Variants in INCENP observed in about 807,000 individuals in gnomAD.
INCENP encodes binds and activates aurora-B and -C in vivo and in vitro.
Under a neutral mutation model 107.3 loss-of-function variants are expected in INCENP, and 43 were observed. That is an observed-to-expected ratio of 0.40 (90% CI 0.31 to 0.52). The LOEUF (loss-of-function observed/expected upper bound fraction) is 0.52, where lower values mean the gene tolerates loss of function less well. INCENP is among the 20% of genes least tolerant of loss of function. The probability of loss-of-function intolerance (pLI) is 0.53; values close to 1 mark genes in which losing one functional copy is unlikely to be tolerated. For missense variants in INCENP, 1,089 were observed against 1,250.9 expected, an observed-to-expected ratio of 0.87 and a Z score of 1.95; for synonymous variants, 488 against 494.4, an observed-to-expected ratio of 0.99 and a Z score of 0.17.
chr11:62,138,794 G>A (rs752437830), intron 6 of INCENP, 24 bp downstream of exon 6: 2 of 1,613,568 alleles, frequency 1.2e-6, no homozygotes, highest in East Asian at 4.5e-5. Context: ...CTGGGGAAGG[G>A]AGGACTCACC....
chr11:62,127,256 ACTC>A (rs1590601773), intron 1 of INCENP, among the ~76,000 whole-genome samples: 1 of 150,730 alleles, frequency 6.6e-6, no homozygotes, highest in East Asian at 2.0e-4. Context: ...CTGGTTTTGA[ACTC>A]CTGACCTCAT....
chr11:62,129,026 G>C (rs1167840670), intron 3 of INCENP, 143 bp downstream of exon 3: 2 of 635,698 alleles, frequency 3.1e-6, no homozygotes, highest in Non-Finnish European at 5.6e-6. Flanking sequence ...TACTGCGTGG[G>C]CCATGCTGAG....
Position 62,152,559 on chromosome 11 carries a change from T to G in INCENP, c.*583T>G, listed in dbSNP as rs563856718. 1 of 153,032 alleles carries G rather than the reference T, an allele frequency of 6.5e-6. No individual in the cohort carries two copies. The highest frequency in any genetic ancestry group is 1.9e-4 in the East Asian group (1 of 5,176). The allele number at this position is 153,032 out of a possible 1,614,324, so 9.5% of individuals were successfully genotyped here. A position where few individuals can be genotyped will look rare whatever the true frequency, so the allele number is the denominator to read the frequency against. On this transcript the variant is annotated 3_prime_UTR_variant, in exon 19 of 19. Transcript: ENST00000394818. ...ACTGTCACGATGGGGCAGGTGGAGC[T>G]CCTTCCTATTTTTTGGGGTGCTCCC...
intron 18 of INCENP, among the ~76,000 whole-genome samples, chr11:62,151,558 T>A (rs1460332998): frequency 6.6e-6 from 1 of 152,130 alleles, no homozygotes; most frequent in Admixed American, 6.5e-5. Flanking sequence ...CTTTGTAAGG[T>A]TAAGCTGCCA....
rs754113313 is a variant in INCENP at position 62,129,817 on chromosome 11, G to A, written c.290G>A (p.Ser97Asn). 2.5e-6 allele frequency: 4 copies of A among 1,610,198 alleles called. No individual in the cohort carries two copies. The East Asian group carries it at 6.7e-5, about 27-fold the overall frequency. The change falls in exon 4 of 19, where the codon AGC (serine) becomes AAC (asparagine). Residue 97 changes from serine (S) to asparagine (N), a missense_variant. Coordinates refer to ENST00000394818, the MANE Select transcript of INCENP (RefSeq NM_001040694.2). ...SRRKSRSSQL[S>N]SRRLRSKDSV... is the part of the protein sequence containing the mutation. ...AGAAAGTCTCGGAGCAGCCAGCTGA[G>A]CTCCCGACGCCTCCGCAGCAAGGAC...
chr11:62,131,762 G>A (rs1364598896), intron 4 of INCENP, among the ~76,000 whole-genome samples: 5 of 151,966 alleles, frequency 3.3e-5, no homozygotes, highest in Non-Finnish European at 7.4e-5. Flanking sequence ...GATTGGTGGC[G>A]AGGATAGGCC....
chr11:62,148,638 G>T lies in INCENP; in HGVS notation c.2283+84G>T. 2.0e-6 allele frequency: 3 copies of T among 1,476,840 alleles called. No homozygotes were observed. The South Asian group carries it at 3.6e-5, about 18-fold the overall frequency. The allele number at this position is 1,476,840 out of a possible 1,614,324, so 91.5% of individuals were successfully genotyped here. Reference sequence around the variant, plus strand: ...GGACTCCTGCAGCAGGGGCTGCCTAGGGAGGGGAGGGAAAGGGAGGAGAAT... The same window carrying T: ...GGACTCCTGCAGCAGGGGCTGCCTATGGAGGGGAGGGAAAGGGAGGAGAAT... On this transcript the variant is annotated intron_variant, in intron 16 of 18. Coordinates refer to ENST00000394818, the MANE Select transcript of INCENP (RefSeq NM_001040694.2).
intron 4 of INCENP, among the ~76,000 whole-genome samples, chr11:62,132,958 G>A (rs1943920348): frequency 6.6e-6 from 1 of 152,206 alleles, no homozygotes; most frequent in African/African-American, 2.4e-5. Flanking sequence ...ACTCATCTTA[G>A]TGCTTGAGTG....
At chr11:62,130,677 G>A (rs1185148019) in intron 4 of INCENP, 87 bp downstream of exon 4, 2 of 1,209,490 alleles carry the variant, frequency 1.7e-6, no homozygotes, top group Non-Finnish European at 2.3e-6. Flanking sequence ...GCAAGGAGCT[G>A]TCCAGAGAGC....
intron 8 of INCENP, 123 bp from the exon 9 acceptor site, chr11:62,140,581 C>A: frequency 1.2e-6 from 1 of 824,144 alleles, no homozygotes; most frequent in Non-Finnish European, 1.9e-6. Flanking sequence ...TTAGGCTCTG[C>A]AGCCTCTTTC....
rs1944025811 is a variant in INCENP at position 62,137,867 on chromosome 11, G to A, written c.1099G>A (p.Val367Met). 6.2e-7 allele frequency: 1 copy of A among 1,614,050 alleles called. No individual in the cohort carries two copies. The highest frequency in any genetic ancestry group is 1.7e-5 in the Admixed American group (1 of 59,988). Reference sequence around the variant, plus strand: ...CCTGGAGAGGCTCCTGAATGTTGAGGTGCCCCAGAAAGTTGGGTGAGTTCA... The same window carrying A: ...CCTGGAGAGGCTCCTGAATGTTGAGATGCCCCAGAAAGTTGGGTGAGTTCA... ...SYLERLLNVE[V>M]PQKVGSEQKE... Residue 367 changes from valine to methionine, a missense_variant, in exon 5 of 19, where the codon GTG (valine) becomes ATG (methionine). By Grantham distance (21) the Val-to-Met change is conservative. Transcript: ENST00000394818.
chr11:62,137,778 T>A lies in INCENP; in HGVS notation c.1064-54T>A, dbSNP rs1944023786. ...ACCCGGTCCCCTGGACCCCTTAGAG[T>A]GGGACCTGTGTGGTCTCTGATGAGA... On this transcript the variant is annotated intron_variant, in intron 4 of 18. Coordinates refer to ENST00000394818, the MANE Select transcript of INCENP (RefSeq NM_001040694.2). The A allele has an allele frequency of 1.9e-6, 3 of 1,549,672 alleles. No homozygotes were observed. In the Admixed American group the frequency reaches 5.0e-5, roughly 26 times the overall value.
chr11:62,152,061 C>A lies in INCENP; in HGVS notation c.*85C>A. ...TCGGTCTCTGTCTTGGTCTGTTGCC[C>A]TCCTTCTTGGCATGCCATTGTGGAG... On this transcript the variant is annotated 3_prime_UTR_variant, in exon 19 of 19. Coordinates refer to ENST00000394818, the MANE Select transcript of INCENP (RefSeq NM_001040694.2). The A allele has an allele frequency of 9.5e-7, 1 of 1,056,506 alleles. No individual in the cohort carries two copies. The highest frequency in any genetic ancestry group is 1.4e-6 in the Non-Finnish European group (1 of 724,482). The allele number at this position is 1,056,506 out of a possible 1,614,324, so 65.4% of individuals were successfully genotyped here. A position where few individuals can be genotyped will look rare whatever the true frequency, so the allele number is the denominator to read the frequency against.
In INCENP at chr11:62,130,123, C is replaced by T; in HGVS notation, c.596C>T (p.Thr199Ile). ...CCTCTGCCCCGCACTCTGTCCCCGA[C>T]TCCAGCTTCAGCCACAGCTCCAACC... is the stretch of plus-strand genomic sequence containing the variant. ...TEPLPRTLSP[T>I]PASATAPTSQ... is the part of the protein sequence containing the mutation. The change falls in exon 4 of 19, where the codon ACT (threonine) becomes ATT (isoleucine). Residue 199 changes from threonine to isoleucine, a missense_variant. Physicochemically the swap from Thr to Ile is moderately conservative, Grantham distance 89. Coordinates refer to ENST00000394818, the MANE Select transcript of INCENP (RefSeq NM_001040694.2). 6.2e-7 allele frequency: 1 copy of T among 1,613,804 alleles called. No homozygotes were observed. Among genetic ancestry groups the T allele is most frequent in the Non-Finnish European group, 8.5e-7 (1 of 1,180,026 alleles).
chr11:62,143,787 A>G (rs1391631752), intron 11 of INCENP, among the ~76,000 whole-genome samples: 1 of 152,224 alleles, frequency 6.6e-6, no homozygotes, highest in Non-Finnish European at 1.5e-5. Context: ...GTGGGAGTCT[A>G]CTGGGAGCCA....
At position 62,130,181 on chromosome 11, in the gene INCENP, A is replaced by T; in HGVS notation, c.654A>T (p.Ser218=). 1 of 1,613,974 alleles carries T rather than the reference A, an allele frequency of 6.2e-7. No individual in the cohort carries two copies. The highest frequency in any genetic ancestry group is 8.5e-7 in the Non-Finnish European group (1 of 1,180,022). ...SQGIPTSDEE[S]TPKKSKARIL... ...GCATCCCGACATCAGATGAGGAATC[A>T]ACACCTAAGAAGTCGAAGGCCAGGA... The change falls in exon 4 of 19, where the codon TCA becomes TCT. Residue 218 remains serine (S), a synonymous_variant. Transcript: ENST00000394818.
At chr11:62,131,050 G>T (rs1943883355) in intron 4 of INCENP, among the ~76,000 whole-genome samples, 1 of 152,200 alleles carries the variant, frequency 6.6e-6, no homozygotes, top group Non-Finnish European at 1.5e-5. Context: ...AAATTCACCG[G>T]GTTTGCGCGC....
chr11:62,139,966 G>T (rs926764656), intron 7 of INCENP, among the ~76,000 whole-genome samples: 1 of 152,092 alleles, frequency 6.6e-6, no homozygotes, highest in Non-Finnish European at 1.5e-5. Flanking sequence ...TTTAGTAGAG[G>T]CCGGGTTTCA....
intron 14 of INCENP, 60 bp downstream of exon 14, chr11:62,145,811 A>G: frequency 4.6e-6 from 7 of 1,516,074 alleles, no homozygotes; most frequent in South Asian, 1.3e-5. Context: ...TCTCAGCACC[A>G]TGGGGCCCTA....
Sources: allele counts gnomAD v4.1 joint callset (sites outside exome capture counted in the v4.1 genomes callset), GRCh38; gene constraint gnomAD v4.1.1; transcripts MANE v1.5; gene names NCBI Gene and HGNC (gene_info 2026-07-23, HGNC 2026-07-21).